The following SNX6 variants were observed in gnomAD, a reference collection of about 807,000 sequenced individuals.
The protein encoded by SNX6 is sorting nexin 6, also known as sorting nexin-6.
In SNX6, 34 loss-of-function variants were observed where a neutral mutation model predicts 63.0. The observed-to-expected ratio is 0.54, with a 90% CI of 0.41 to 0.72. SNX6 has a LOEUF of 0.72. Among genes scored for constraint, SNX6 ranks in the 30% least tolerant of loss-of-function variants. The probability of loss-of-function intolerance (pLI) is 0.00; values close to 1 mark genes in which losing one functional copy is unlikely to be tolerated. For synonymous variants in SNX6, 170 were observed against 164.2 expected (o/e 1.04, Z -0.27); for missense variants, 398 against 471.4 (o/e 0.84, Z 1.44).
chr14:34,613,407 T>A (rs553577204), intron 2 of SNX6, among the ~76,000 whole-genome samples: 2 of 152,242 alleles, frequency 1.3e-5, no homozygotes, highest in Non-Finnish European at 2.9e-5. Context: ...TTTGGAATAA[T>A]GACTAGCATT....
At chr14:34,609,111 TAA>T (rs1459151170) in intron 3 of SNX6, among the ~76,000 whole-genome samples, 8 of 152,086 alleles carry the variant, frequency 5.3e-5, no homozygotes, top group Non-Finnish European at 1.2e-4. Flanking sequence ...ACAAGAATGG[TAA>T]AAGATACTAA....
intron 10 of SNX6, among the ~76,000 whole-genome samples, chr14:34,579,545 T>G (rs1400217132): frequency 6.6e-6 from 1 of 152,080 alleles, no homozygotes; most frequent in Non-Finnish European, 1.5e-5. Flanking sequence ...AGTTTGAGGC[T>G]ACAATGAGTT....
chr14:34,571,005 C>G (rs1200985769), intron 11 of SNX6, among the ~76,000 whole-genome samples: 28 of 141,256 alleles, frequency 2.0e-4, no homozygotes, highest in Middle Eastern at 4.7e-3. Flanking sequence ...TTACAGACGT[C>G]AGCCACCGCA....
At chr14:34,570,003 T>C (rs997187512) in intron 11 of SNX6, among the ~76,000 whole-genome samples, 5 of 152,182 alleles carry the variant, frequency 3.3e-5, no homozygotes, top group South Asian at 2.1e-4. Context: ...ACCAACACCA[T>C]ATGAGAGTTC....
chr14:34,583,793 CA>C (rs1882307951), intron 9 of SNX6, among the ~76,000 whole-genome samples: 1 of 150,974 alleles, frequency 6.6e-6, no homozygotes, highest in South Asian at 2.1e-4. Context: ...GAACAGATGG[CA>C]AGGTTGACTT....
intron 6 of SNX6, among the ~76,000 whole-genome samples, chr14:34,600,053 C>T (rs1279741407): frequency 1.3e-5 from 2 of 152,096 alleles, no homozygotes; most frequent in East Asian, 3.8e-4. Context: ...TATCTTATTC[C>T]AATCCATTCT....
chr14:34,587,365 T>C (rs1374875929), intron 8 of SNX6, among the ~76,000 whole-genome samples: 5 of 151,616 alleles, frequency 3.3e-5, no homozygotes, highest in Non-Finnish European at 5.9e-5. Context: ...ACCCCATCTC[T>C]ACTAAAAATA....
intron 13 of SNX6, among the ~76,000 whole-genome samples, chr14:34,565,077 CTTTTT>C (rs34722757): frequency 7.6e-6 from 1 of 131,276 alleles, no homozygotes; most frequent in Non-Finnish European, 1.6e-5. Context: ...CATGTCATGA[CTTTTT>C]TTTTTTTTTT....
chr14:34,569,518 C>G (rs1488793601), intron 11 of SNX6, among the ~76,000 whole-genome samples: 1 of 152,050 alleles, frequency 6.6e-6, no homozygotes, highest in African/African-American at 2.4e-5. Context: ...ACCTCCACCT[C>G]CCGGTTCAAG....
At chr14:34,591,206 A>G (rs1305633314) in intron 8 of SNX6, among the ~76,000 whole-genome samples, 1 of 143,334 alleles carries the variant, frequency 7.0e-6, no homozygotes, top group Non-Finnish European at 1.5e-5. Flanking sequence ...GCTTACTGAT[A>G]TCAATTACAC....
chr14:34,611,487 A>T (rs1356129493), intron 2 of SNX6, among the ~76,000 whole-genome samples: 4 of 151,630 alleles, frequency 2.6e-5, no homozygotes, highest in African/African-American at 9.7e-5. Flanking sequence ...AAAAAGAAAA[A>T]AAAAAAGGGG....
intron 4 of SNX6, among the ~76,000 whole-genome samples, chr14:34,606,110 G>T (rs971411552): frequency 2.0e-5 from 3 of 151,644 alleles, no homozygotes; most frequent in Non-Finnish European, 4.4e-5. Flanking sequence ...GGAGTCGGAG[G>T]TTGCAGTGAG....
chr14:34,576,937 C>T (rs1445241256), intron 10 of SNX6, among the ~76,000 whole-genome samples: 3 of 151,142 alleles, frequency 2.0e-5, no homozygotes, highest in African/African-American at 4.9e-5. Context: ...CAAAAATTAG[C>T]CAGGCATGGT....
chr14:34,567,261 A>C (rs1594689667), intron 13 of SNX6, among the ~76,000 whole-genome samples: 1 of 151,922 alleles, frequency 6.6e-6, no homozygotes, highest in African/African-American at 2.4e-5. Flanking sequence ...CTGAGGCAGG[A>C]GGATCATTTG....
At chr14:34,582,201 AGCTCACTGCAACCTCT>A (rs1881968757) in intron 9 of SNX6, among the ~76,000 whole-genome samples, 1 of 144,560 alleles carries the variant, frequency 6.9e-6, no homozygotes, top group Admixed American at 7.3e-5. Flanking sequence ...GTGCAACCTC[AGCTCACTGCAACCTCT>A]GCCTCCTGGG....
intron 2 of SNX6, chr14:34,629,326 AG>A (rs1883947194): frequency 2.9e-6 from 1 of 349,440 alleles, no homozygotes; most frequent in African/African-American, 2.1e-5. Flanking sequence ...TGCCAAAGAC[AG>A]GATTTGTTGG....
chr14:34,568,454 C>T (rs557353303), intron 11 of SNX6, among the ~76,000 whole-genome samples: 2 of 152,042 alleles, frequency 1.3e-5, no homozygotes, highest in South Asian at 2.1e-4. Flanking sequence ...TGGTCTCGAT[C>T]TCTTGACCTC....
At chr14:34,615,636 CAG>C (rs1883390800) in intron 2 of SNX6, among the ~76,000 whole-genome samples, 1 of 152,058 alleles carries the variant, frequency 6.6e-6, no homozygotes, top group African/African-American at 2.4e-5. Context: ...CCCCTTGAGA[CAG>C]AGTCTCGCTG....
chr14:34,593,256 C>G, intron 7 of SNX6, 106 bp from the exon 8 acceptor site: 1 of 662,196 alleles, frequency 1.5e-6, no homozygotes, highest in Non-Finnish European at 2.5e-6. Context: ...AAATAGCATA[C>G]CTATCCTCAG....
Sources: gnomAD v4.1 joint callset for allele counts (sites outside exome capture counted in the v4.1 genomes callset) on GRCh38, gnomAD v4.1.1 for gene constraint, MANE v1.5 for transcripts, NCBI Gene and HGNC (gene_info 2026-07-23, HGNC 2026-07-21) for gene names.